SLC35F3: variants seen among roughly 807,000 people sequenced by gnomAD.
SLC35F3 encodes the protein solute carrier family 35 member F3, also known as putative thiamine transporter SLC35F3.
SLC35F3 carries 25 observed loss-of-function variants against 49.9 expected under a neutral mutation model. The ratio of observed to expected loss-of-function variants is 0.50; its 90% CI spans 0.37 to 0.70. The LOEUF (loss-of-function observed/expected upper bound fraction) is 0.70. Ranked by LOEUF, SLC35F3 falls within the 30% of genes least tolerant of loss-of-function variation. The pLI is 0.00. For missense variants in SLC35F3, 525 were observed against 639.8 expected (o/e 0.82, Z 1.94); for synonymous variants, 275 against 265.4 (o/e 1.04, Z -0.35).
chr1:234,318,493 C>T (rs1373449082), intron 5 of SLC35F3, among the ~76,000 whole-genome samples: 1 of 152,148 alleles, frequency 6.6e-6, no homozygotes. Flanking sequence ...ACAACACAGA[C>T]AAATCAAACC....
intron 2 of SLC35F3, among the ~76,000 whole-genome samples, chr1:234,067,585 T>C (rs1181388939): frequency 6.6e-6 from 1 of 152,182 alleles, no homozygotes. Flanking sequence ...ACAGCTTCTT[T>C]TCTCAGAACC....
At chr1:234,200,234 T>G (rs1666881727) in intron 2 of SLC35F3, among the ~76,000 whole-genome samples, 1 of 152,242 alleles carries the variant, frequency 6.6e-6, no homozygotes, top group Admixed American at 6.5e-5. Flanking sequence ...CTAATGACGT[T>G]AAGCATCTTT....
rs182919342 is a variant in SLC35F3 at position 234,245,324 on chromosome 1, A to G, written c.608+13583A>G. On this transcript the variant is annotated intron_variant, in intron 3 of 7. Coordinates refer to ENST00000366618, the MANE Select transcript of SLC35F3 (RefSeq NM_173508.4). The stretch of plus-strand genomic sequence containing the variant: ...TCATTCCTTTTTACAGCGGAATGGT[A>G]TTCCATTGTGTATATATGCCACATT... 7.2e-5 allele frequency among the ~76,000 whole-genome samples: 11 copies of G among 152,330 alleles called. No individual in the cohort carries two copies. The East Asian group carries it at 2.1e-3, about 29-fold the overall frequency.
intron 2 of SLC35F3, among the ~76,000 whole-genome samples, chr1:234,140,665 A>C (rs1392918399): frequency 1.5e-5 from 2 of 133,636 alleles, no homozygotes; most frequent in African/African-American, 6.4e-5. Flanking sequence ...ACGAACACTC[A>C]GGGGGATGCT....
intron 3 of SLC35F3, among the ~76,000 whole-genome samples, chr1:234,296,124 C>T (rs181414384): frequency 1.2e-4 from 19 of 152,320 alleles, no homozygotes; most frequent in Admixed American, 1.0e-3. Flanking sequence ...AAGAGCTGAG[C>T]GCTGTTTCCC....
chr1:233,982,216 C>T (rs754940371), intron 2 of SLC35F3, among the ~76,000 whole-genome samples: 3 of 152,312 alleles, frequency 2.0e-5, no homozygotes, highest in Admixed American at 6.5e-5. Context: ...TGAGCCATGA[C>T]GCCCAGCTGT....
At chr1:234,204,215 AAAAAATAGAAACGGTGAATAAGAGGCCAG>A (rs1176167792) in intron 2 of SLC35F3, among the ~76,000 whole-genome samples, 1 of 152,194 alleles carries the variant, frequency 6.6e-6, no homozygotes, top group Non-Finnish European at 1.5e-5. Flanking sequence ...TTTTTAGAAA[AAAAAATAGAAACGGTGAATAAGAGGCCAG>A]AACTTTGATA....
intron 3 of SLC35F3, among the ~76,000 whole-genome samples, chr1:234,301,580 C>T (rs1375991165): frequency 6.6e-6 from 1 of 152,156 alleles, no homozygotes; most frequent in Admixed American, 6.5e-5. Context: ...GGAACTTTTA[C>T]ACTTTTGGTA....
intron 2 of SLC35F3, among the ~76,000 whole-genome samples, chr1:234,219,492 A>C (rs1353074869): frequency 6.6e-6 from 1 of 152,240 alleles, no homozygotes; most frequent in Non-Finnish European, 1.5e-5. Flanking sequence ...AGTGAAACAT[A>C]ATCCTTGATC....
Position 234,293,987 on chromosome 1 carries a change from T to G in SLC35F3, c.609-15114T>G, listed in dbSNP as rs562145742. On this transcript the variant is annotated intron_variant, in intron 3 of 7. Transcript: ENST00000366618. ...ATGCTGAATTCCACAAGTCGTTATGTCTCTTCAGTTTGAAGGAGGCTGTTT... is the reference window on the plus strand; with the variant it reads ...ATGCTGAATTCCACAAGTCGTTATGGCTCTTCAGTTTGAAGGAGGCTGTTT... Among the ~76,000 whole-genome samples, 41 of 152,348 alleles carry G rather than the reference T, an allele frequency of 2.7e-4. No homozygotes were observed. In the South Asian group the frequency reaches 6.2e-3, roughly 23 times the overall value.
At chr1:233,941,582 A>G (rs1212687980) in intron 2 of SLC35F3, among the ~76,000 whole-genome samples, 1 of 152,184 alleles carries the variant, frequency 6.6e-6, no homozygotes, top group African/African-American at 2.4e-5. Flanking sequence ...CCAGTTAATT[A>G]AAGTTTTGTG....
chr1:234,038,619 A>G (rs1664178771), intron 2 of SLC35F3, among the ~76,000 whole-genome samples: 1 of 152,236 alleles, frequency 6.6e-6, no homozygotes. Context: ...GAAGACATTT[A>G]TGCAGCCAAA....
chr1:234,213,469 A>G (rs950976401), intron 2 of SLC35F3: 6 of 152,394 alleles, frequency 3.9e-5, no homozygotes, highest in African/African-American at 9.6e-5. Context: ...ATAGCAGGGC[A>G]CCTCTGATGA....
intron 2 of SLC35F3, among the ~76,000 whole-genome samples, chr1:234,205,762 CCAA>C (rs916387506): frequency 1.3e-5 from 2 of 152,210 alleles, no homozygotes; most frequent in African/African-American, 2.4e-5. Context: ...TAAGCCAGCA[CCAA>C]GCCCTCAGGA....
At chr1:234,275,256 T>G (rs1371391901) in intron 3 of SLC35F3, among the ~76,000 whole-genome samples, 1 of 152,036 alleles carries the variant, frequency 6.6e-6, no homozygotes, top group African/African-American at 2.4e-5. Context: ...ATCAGAAACG[T>G]AAATGGTTTT....
chr1:234,058,280 C>CA (rs1028240875), intron 2 of SLC35F3, among the ~76,000 whole-genome samples: 4 of 141,032 alleles, frequency 2.8e-5, no homozygotes, highest in Non-Finnish European at 4.5e-5. Flanking sequence ...TAATAAGTCT[C>CA]AGTCTCACTT....
intron 2 of SLC35F3, among the ~76,000 whole-genome samples, chr1:233,979,688 AC>A (rs1327481230): frequency 6.6e-6 from 1 of 152,146 alleles, no homozygotes; most frequent in Non-Finnish European, 1.5e-5. Flanking sequence ...CTTCATTCAG[AC>A]TTTCACTTCT....
intron 2 of SLC35F3, among the ~76,000 whole-genome samples, chr1:234,015,836 G>T (rs920887553): frequency 3.3e-5 from 5 of 152,062 alleles, no homozygotes; most frequent in Non-Finnish European, 5.9e-5. Context: ...TTTCTGCACC[G>T]CAAAGGAAAC....
chr1:234,270,721 C>T lies in SLC35F3; in HGVS notation c.609-38380C>T, dbSNP rs149478514. On this transcript the variant is annotated intron_variant, in intron 3 of 7. Transcript: ENST00000366618. Reference sequence around the variant, plus strand: ...CTGAGATGAGAGCAAAGGCTTTTTGCGAGACAAAAAGGCAACTGATTGTTT... The same window carrying T: ...CTGAGATGAGAGCAAAGGCTTTTTGTGAGACAAAAAGGCAACTGATTGTTT... Among the ~76,000 whole-genome samples, 1,505 of 152,228 alleles carry T rather than the reference C, an allele frequency of 9.9e-3. 17 individuals are homozygous for T. The highest frequency in any genetic ancestry group is 0.017 in the Middle Eastern group (5 of 294).
Sources: gnomAD v4.1 joint callset for allele counts (sites outside exome capture counted in the v4.1 genomes callset) on GRCh38, gnomAD v4.1.1 for gene constraint, MANE v1.5 for transcripts, NCBI Gene and HGNC (gene_info 2026-07-23, HGNC 2026-07-21) for gene names.